MAP7D2: variants seen among roughly 807,000 people sequenced by gnomAD.
MAP7D2 encodes MAP7 domain containing 2.
Under a neutral mutation model 63.5 loss-of-function variants are expected in MAP7D2, and 33 were observed. That is an observed-to-expected ratio of 0.52 (90% CI 0.39 to 0.70). MAP7D2 has a LOEUF of 0.70. Ranked by LOEUF, MAP7D2 falls within the 30% of genes least tolerant of loss-of-function variation. MAP7D2 has a pLI of 0.00. For missense variants in MAP7D2, 626 were observed against 604.0 expected (o/e 1.04, Z -0.38); for synonymous variants, 224 against 223.7 (o/e 1.00, Z -0.01).
chrX:20,036,389 C>T (rs961219134), intron 8 of MAP7D2, among the ~76,000 whole-genome samples: 4 of 107,706 alleles, frequency 3.7e-5, no homozygotes, highest in Admixed American at 1.0e-4. Flanking sequence ...ATTACAGGTG[C>T]GTGCCACCAC....
At chrX:20,036,620 T>G (rs2064495550) in intron 8 of MAP7D2, among the ~76,000 whole-genome samples, 1 of 105,372 alleles carries the variant, frequency 9.5e-6, no homozygotes, top group Admixed American at 1.0e-4. Context: ...AAAAAAAGAT[T>G]TTCGGCCAGG....
chrX:20,055,273 A>T (rs1401490369), intron 4 of MAP7D2, among the ~76,000 whole-genome samples: 1 of 111,597 alleles, frequency 9.0e-6, no homozygotes. Flanking sequence ...CAGTGTTAGC[A>T]CTGATAAAAT....
chrX:20,085,019 C>G (rs906625305), intron 1 of MAP7D2, among the ~76,000 whole-genome samples: 1 of 111,943 alleles, frequency 8.9e-6, no homozygotes, highest in African/African-American at 3.2e-5. Context: ...TGAGCTGCCT[C>G]ACAATCTGGA....
At position 20,056,791 on chromosome X, in the gene MAP7D2, C is replaced by G. The variant is rs776095652; in HGVS notation, c.373G>C (p.Glu125Gln). Residue 125 changes from glutamate to glutamine, a missense_variant and splice_region_variant, in exon 4 of 17, where the codon GAA becomes CAA. Physicochemically the swap from Glu to Gln is conservative, Grantham distance 29. Transcript: ENST00000379643. ...KRKQKLREEEERLEAMMRRSL... is the reference protein window; with the variant it reads ...KRKQKLREEEQRLEAMMRRSL... Reference sequence around the variant, plus strand: ...CGGCGCATCATCGCCTCCAGCCGTTCCTACACAGTTCGTGTAAGGCAAGTG... The same window carrying G: ...CGGCGCATCATCGCCTCCAGCCGTTGCTACACAGTTCGTGTAAGGCAAGTG... 13 of 1,208,844 alleles carry G rather than the reference C, an allele frequency of 1.1e-5. No homozygotes were observed. In the South Asian group the frequency reaches 1.9e-4, roughly 18 times the overall value.
chrX:20,095,135 G>A (rs1041282321), intron 1 of MAP7D2, among the ~76,000 whole-genome samples: 3 of 110,746 alleles, frequency 2.7e-5, no homozygotes, highest in Non-Finnish European at 5.7e-5. Context: ...TATTTAAAAC[G>A]ACTGGGCTGT....
At chrX:20,025,145 T>C (rs780484477) in intron 9 of MAP7D2, 62 bp from the exon 10 acceptor site, 1 of 1,127,403 alleles carries the variant, frequency 8.9e-7, no homozygotes, top group African/African-American at 1.8e-5. Flanking sequence ...ATGATTCCAC[T>C]CACACAGCAG....
At chrX:20,091,348 C>T (rs1403884954) in intron 1 of MAP7D2, among the ~76,000 whole-genome samples, 1 of 106,312 alleles carries the variant, frequency 9.4e-6, no homozygotes, top group Non-Finnish European at 1.9e-5. Context: ...CCACCGTGCC[C>T]GGCCCAGAAC....
chrX:20,090,277 C>T (rs1428902142), intron 1 of MAP7D2, among the ~76,000 whole-genome samples: 1 of 104,649 alleles, frequency 9.6e-6, no homozygotes. Context: ...AAGCAAATCA[C>T]GAGGTCAGGA....
intron 8 of MAP7D2, among the ~76,000 whole-genome samples, chrX:20,034,581 T>C (rs1421192610): frequency 9.0e-6 from 1 of 111,495 alleles, no homozygotes; most frequent in Non-Finnish European, 1.9e-5. Flanking sequence ...GGAATCCTCC[T>C]GAATGGCATC....
At chrX:20,106,284 C>G (rs1287390273) in intron 1 of MAP7D2, among the ~76,000 whole-genome samples, 1 of 112,107 alleles carries the variant, frequency 8.9e-6, no homozygotes, top group Non-Finnish European at 1.9e-5. Flanking sequence ...TGAGGACCCA[C>G]TAGTCACAGC....
chrX:20,019,173 G>T (rs1352578099), intron 10 of MAP7D2, among the ~76,000 whole-genome samples: 1 of 110,902 alleles, frequency 9.0e-6, no homozygotes, highest in East Asian at 2.8e-4. Flanking sequence ...CCACGGGTGA[G>T]TGCCACCATG....
intron 6 of MAP7D2, 125 bp downstream of exon 6, chrX:20,050,699 C>T (rs748409887): frequency 1.3e-6 from 1 of 773,944 alleles, no homozygotes; most frequent in Admixed American, 4.9e-5. Context: ...ACGTTATTAA[C>T]CAATGAAGAC....
At chrX:20,073,017 T>G (rs1033174845) in intron 1 of MAP7D2, among the ~76,000 whole-genome samples, 15 of 111,122 alleles carry the variant, frequency 1.3e-4, no homozygotes, top group Non-Finnish European at 1.9e-5. Context: ...TAGTAAATTA[T>G]ATTGCAATAA....
intron 1 of MAP7D2, among the ~76,000 whole-genome samples, chrX:20,090,551 A>G (rs953369487): frequency 8.9e-6 from 1 of 111,977 alleles, no homozygotes; most frequent in Admixed American, 9.5e-5. Context: ...TATAGCAAGT[A>G]CTGGCAAAGG....
chrX:20,089,322 T>C (rs931635505), intron 1 of MAP7D2, among the ~76,000 whole-genome samples: 1 of 112,245 alleles, frequency 8.9e-6, no homozygotes. Context: ...TGTTTGTCTA[T>C]CCTTATGCCA....
intron 1 of MAP7D2, among the ~76,000 whole-genome samples, chrX:20,087,879 CTTTTTTTTTT>C (rs539620594): frequency 6.2e-4 from 33 of 52,862 alleles, no homozygotes; most frequent in East Asian, 1.8e-3. Flanking sequence ...AATTTCTTTT[CTTTTTTTTTT>C]TTTTTTTTTT....
intron 1 of MAP7D2, among the ~76,000 whole-genome samples, chrX:20,116,120 C>T (rs1031418333): frequency 8.8e-6 from 1 of 113,143 alleles, no homozygotes; most frequent in Non-Finnish European, 1.9e-5. Context: ...TTGTTTGCCC[C>T]GCTGCCTCGA....
intron 1 of MAP7D2, among the ~76,000 whole-genome samples, chrX:20,111,773 GTTTATT>G (rs2066750740): frequency 8.9e-6 from 1 of 111,757 alleles, no homozygotes; most frequent in Non-Finnish European, 1.9e-5. Context: ...TGATAAAGCT[GTTTATT>G]TTTATTTTTG....
intron 1 of MAP7D2, among the ~76,000 whole-genome samples, chrX:20,088,468 GTTTTTTTTTTTTT>G (rs779366726): frequency 5.1e-4 from 21 of 41,063 alleles, no homozygotes; most frequent in South Asian, 3.0e-3. Flanking sequence ...CTAATTTTCA[GTTTTTTTTTTTTT>G]TTTTTTTTTT....
Sources: gnomAD v4.1 joint callset for allele counts (sites outside exome capture counted in the v4.1 genomes callset) on GRCh38, gnomAD v4.1.1 for gene constraint, MANE v1.5 for transcripts, NCBI Gene and HGNC (gene_info 2026-07-23, HGNC 2026-07-21) for gene names.